Variants in MTSS1 observed in about 807,000 individuals in gnomAD.
MTSS1 encodes the protein MTSS I-BAR domain containing 1.
In MTSS1, 18 loss-of-function variants were observed where a neutral mutation model predicts 79.0. The ratio of observed to expected loss-of-function variants is 0.23; its 90% confidence interval spans 0.16 to 0.34. The LOEUF is 0.34. MTSS1 is among the 10% of genes least tolerant of loss of function. The probability of loss-of-function intolerance (pLI) is 1.00; values close to 1 mark genes in which losing one functional copy is unlikely to be tolerated. For missense variants in MTSS1, 815 were observed against 986.2 expected (o/e 0.83, Z 2.33); for synonymous variants, 341 against 368.6 (o/e 0.93, Z 0.86).
At chr8:124,565,144 C>T (rs1563759593) in intron 9 of MTSS1, among the ~76,000 whole-genome samples, 1 of 152,182 alleles carries the variant, frequency 6.6e-6, no homozygotes, top group African/African-American at 2.4e-5. Flanking sequence ...GGGAACAGTA[C>T]TAATTAATAC....
At chr8:124,602,718 A>G (rs1834146813) in intron 3 of MTSS1, among the ~76,000 whole-genome samples, 2 of 152,310 alleles carry the variant, frequency 1.3e-5, no homozygotes, top group South Asian at 4.1e-4. Context: ...AGGTGGGTAC[A>G]TCAGCCTGGG....
chr8:124,650,303 G>A (rs7840201), intron 3 of MTSS1, among the ~76,000 whole-genome samples: 16,043 of 152,008 alleles, frequency 0.11, 1,031 homozygotes, highest in African/African-American at 0.18. Context: ...TGCTGGGATT[G>A]CAGGCGTGAG....
At chr8:124,693,397 A>G (rs1261945624) in intron 3 of MTSS1, among the ~76,000 whole-genome samples, 2 of 152,190 alleles carry the variant, frequency 1.3e-5, no homozygotes, top group Non-Finnish European at 2.9e-5. Flanking sequence ...TTCTGATTCC[A>G]TGGGAGTGGC....
intron 7 of MTSS1, chr8:124,567,961 C>G: frequency 7.3e-7 from 1 of 1,371,602 alleles, no homozygotes; most frequent in Middle Eastern, 2.2e-4. Flanking sequence ...CCCCTTAGTA[C>G]TCGGCTACAA....
chr8:124,639,521 G>A (rs1427929628), intron 3 of MTSS1, among the ~76,000 whole-genome samples: 6 of 151,998 alleles, frequency 3.9e-5, no homozygotes, highest in Admixed American at 1.3e-4. Context: ...GTGTCACTCA[G>A]GCTGGAGTGC....
chr8:124,616,026 A>C (rs1448187738), intron 3 of MTSS1, among the ~76,000 whole-genome samples: 1 of 151,678 alleles, frequency 6.6e-6, no homozygotes, highest in Non-Finnish European at 1.5e-5. Context: ...TGCCACCATC[A>C]GTGGTGACAC....
intron 3 of MTSS1, among the ~76,000 whole-genome samples, chr8:124,637,957 AAGG>A (rs1209509968): frequency 6.6e-6 from 1 of 152,248 alleles, no homozygotes; most frequent in Non-Finnish European, 1.5e-5. Flanking sequence ...TAGATAAATT[AAGG>A]AGGTTAAGCA....
intron 6 of MTSS1, chr8:124,580,570 G>T (rs1443943605): frequency 2.0e-6 from 3 of 1,535,786 alleles, no homozygotes; most frequent in South Asian, 2.4e-5. Context: ...CCACTGGCGG[G>T]GGGGCACACG....
chr8:124,641,479 G>T (rs1818039568), intron 3 of MTSS1, among the ~76,000 whole-genome samples: 1 of 152,164 alleles, frequency 6.6e-6, no homozygotes, highest in Non-Finnish European at 1.5e-5. Flanking sequence ...TTGTGCAGTT[G>T]CTGCAGGAAT....
At chr8:124,688,601 A>G (rs550640757) in intron 3 of MTSS1, among the ~76,000 whole-genome samples, 1 of 152,370 alleles carries the variant, frequency 6.6e-6, no homozygotes, top group Admixed American at 6.5e-5. Context: ...CCAGAATGGA[A>G]GCAGAGAGCT....
At chr8:124,603,727 C>T (rs994134726) in intron 3 of MTSS1, among the ~76,000 whole-genome samples, 17 of 152,176 alleles carry the variant, frequency 1.1e-4, no homozygotes, top group South Asian at 4.1e-4. Flanking sequence ...TCTGTTCACA[C>T]GAGACAAATA....
chr8:124,555,611 A>G (rs1317664071), intron 13 of MTSS1, 131 bp downstream of exon 13: 5 of 1,163,864 alleles, frequency 4.3e-6, no homozygotes, highest in Non-Finnish European at 5.9e-6. Flanking sequence ...GCATTCCCAG[A>G]TGACGAAAAC....
chr8:124,664,327 G>A lies in MTSS1; in HGVS notation c.208+35199C>T, dbSNP rs986129465. Among the ~76,000 whole-genome samples, 16 of 152,278 alleles carry A rather than the reference G, an allele frequency of 1.1e-4. No individual in the cohort carries two copies. In the South Asian group the frequency reaches 1.2e-3, roughly 12 times the overall value. On this transcript the variant is annotated intron_variant, in intron 3 of 13. Transcript: ENST00000518547. The stretch of plus-strand genomic sequence containing the variant: ...TGGCTATCTCCTTCCAGCGAGGCCC[G>A]TCTCTAGATAAATGCTCCTCTACCA...
chr8:124,655,303 C>A (rs182083952), intron 3 of MTSS1, among the ~76,000 whole-genome samples: 6 of 152,352 alleles, frequency 3.9e-5, no homozygotes, highest in Admixed American at 2.6e-4. Context: ...AGAAACAACA[C>A]ATTAGATGCT....
intron 3 of MTSS1, among the ~76,000 whole-genome samples, chr8:124,604,513 T>C (rs1047831460): frequency 2.6e-5 from 4 of 152,040 alleles, no homozygotes; most frequent in Non-Finnish European, 5.9e-5. Context: ...GAAGTACAAC[T>C]TCCCTTTTGC....
At chr8:124,717,995 T>C (rs1342792361) in intron 1 of MTSS1, among the ~76,000 whole-genome samples, 2 of 152,208 alleles carry the variant, frequency 1.3e-5, no homozygotes, top group Admixed American at 1.3e-4. Flanking sequence ...ATGGCACTGC[T>C]AACAACTACA....
chr8:124,675,954 G>A (rs1191826012), intron 3 of MTSS1, among the ~76,000 whole-genome samples: 4 of 152,216 alleles, frequency 2.6e-5, no homozygotes, highest in Non-Finnish European at 4.4e-5. Flanking sequence ...AGACATTCAT[G>A]TAGCAGGTGA....
intron 6 of MTSS1, among the ~76,000 whole-genome samples, chr8:124,573,893 C>G (rs920332707): frequency 6.6e-6 from 1 of 152,186 alleles, no homozygotes; most frequent in African/African-American, 2.4e-5. Context: ...ATCCCCCCAC[C>G]CCAGGGGATA....
chr8:124,557,306 A>G (rs1295240675), intron 11 of MTSS1, among the ~76,000 whole-genome samples: 1 of 152,172 alleles, frequency 6.6e-6, no homozygotes, highest in Non-Finnish European at 1.5e-5. Context: ...AGAAGCTCTG[A>G]TCATGCTGAC....
Sources: allele counts gnomAD v4.1 joint callset (sites outside exome capture counted in the v4.1 genomes callset), GRCh38; gene constraint gnomAD v4.1.1; transcripts MANE v1.5; gene names NCBI Gene and HGNC (gene_info 2026-07-23, HGNC 2026-07-21).